WWP2: variants seen among roughly 807,000 people sequenced by gnomAD.
The protein encoded by WWP2 is NEDD4-like E3 ubiquitin-protein ligase WWP2.
WWP2 carries 57 observed loss-of-function variants against 121.0 expected under a neutral mutation model. That is an observed-to-expected ratio of 0.47 (90% CI 0.38 to 0.59). The LOEUF is 0.59. Among genes scored for constraint, WWP2 ranks in the 20% least tolerant of loss-of-function variants. The pLI is 0.00. For missense variants in WWP2, 962 were observed against 1,158.9 expected, an observed-to-expected ratio of 0.83 and a Z score of 2.47; for synonymous variants, 449 against 441.3, an observed-to-expected ratio of 1.02 and a Z score of -0.22.
chr16:69,833,880 GC>G (rs1254444881), intron 4 of WWP2, among the ~76,000 whole-genome samples: 1 of 152,198 alleles, frequency 6.6e-6, no homozygotes, highest in Non-Finnish European at 1.5e-5. Flanking sequence ...GCGGGGCCTG[GC>G]TGATGTGCTC....
Position 69,879,766 on chromosome 16 carries a change from A to T in WWP2, c.703+7835A>T, listed in dbSNP as rs557155508. Among the ~76,000 whole-genome samples the T allele has an allele frequency of 1.1e-3, 171 of 152,244 alleles. 1 individual carries two copies. Among genetic ancestry groups the T allele is most frequent in the African/African-American group, 3.7e-3 (152 of 41,554 alleles). Reference sequence around the variant, plus strand: ...AATTACTATGGTGATTTTGTATTTAACATGTCATGCCCATGCTAATGGGCA... The same window carrying T: ...AATTACTATGGTGATTTTGTATTTATCATGTCATGCCCATGCTAATGGGCA... On this transcript the variant is annotated intron_variant, in intron 7 of 23. Coordinates refer to ENST00000359154, the MANE Select transcript of WWP2 (RefSeq NM_001270454.2).
chr16:69,847,885 G>C (rs1213067804), intron 6 of WWP2, among the ~76,000 whole-genome samples: 1 of 151,988 alleles, frequency 6.6e-6, no homozygotes, highest in African/African-American at 2.4e-5. Flanking sequence ...AATTTTGGTG[G>C]GGACAAACTG....
intron 2 of WWP2, among the ~76,000 whole-genome samples, chr16:69,798,005 G>A (rs1459769822): frequency 2.6e-5 from 4 of 152,120 alleles, no homozygotes; most frequent in African/African-American, 7.2e-5. Context: ...GGCATGAGCC[G>A]CCACGCCCGG....
chr16:69,924,593 G>C (rs1028309113), intron 10 of WWP2, among the ~76,000 whole-genome samples: 5 of 151,840 alleles, frequency 3.3e-5, no homozygotes, highest in Admixed American at 2.6e-4. Flanking sequence ...GAGGGGGTGT[G>C]GGGGGGATTC....
At chr16:69,908,893 C>A (rs201784061) in intron 9 of WWP2, 43 bp downstream of exon 9, 33 of 1,613,514 alleles carry the variant, frequency 2.0e-5, no homozygotes, top group Non-Finnish European at 2.6e-5. Flanking sequence ...GGAACTGACA[C>A]CATGAGTCAC....
chr16:69,891,087 C>T (rs939412134), intron 8 of WWP2, among the ~76,000 whole-genome samples: 3 of 152,078 alleles, frequency 2.0e-5, no homozygotes, highest in Admixed American at 6.6e-5. Flanking sequence ...GCCTGGAGAT[C>T]GTCAGCCACC....
intron 4 of WWP2, among the ~76,000 whole-genome samples, chr16:69,828,809 T>C (rs1006406194): frequency 6.6e-6 from 1 of 152,226 alleles, no homozygotes; most frequent in Admixed American, 6.5e-5. Flanking sequence ...TATTCCATCC[T>C]CTTCTTCCAT....
chr16:69,937,619 C>G lies in WWP2; in HGVS notation c.2310C>G (p.Thr770=), dbSNP rs755307899. 6.2e-7 allele frequency: 1 copy of G among 1,614,026 alleles called. No individual in the cohort carries two copies. Among genetic ancestry groups the G allele is most frequent in the Non-Finnish European group, 8.5e-7 (1 of 1,179,996 alleles). The change falls in exon 21 of 24, where the codon ACC becomes ACG. Residue 770 remains threonine, a synonymous_variant. Coordinates refer to ENST00000359154, the MANE Select transcript of WWP2 (RefSeq NM_001270454.2). This position sits in a 1 kb window ranked among gnomAD's most constrained non-coding sequence, Gnocchi z 6.6. Reference sequence around the variant, plus strand: ...AGAGCACCATCTACCGGCACTACACCAAGAACAGCAAGCAGATCCAGTGGT... The same window carrying G: ...AGAGCACCATCTACCGGCACTACACGAAGAACAGCAAGCAGATCCAGTGGT... ...WQKSTIYRHY[T]KNSKQIQWFW...
chr16:69,803,776 C>T (rs998294859), intron 4 of WWP2, among the ~76,000 whole-genome samples: 5 of 152,064 alleles, frequency 3.3e-5, no homozygotes, highest in African/African-American at 9.7e-5. Context: ...GGCACAGTGG[C>T]GCACGCCTGT....
At chr16:69,898,900 C>T (rs2058152489) in intron 8 of WWP2, among the ~76,000 whole-genome samples, 1 of 152,084 alleles carries the variant, frequency 6.6e-6, no homozygotes, top group African/African-American at 2.4e-5. Flanking sequence ...GACGGGAATT[C>T]ACCATGTTGG....
At chr16:69,936,588 G>T (rs757632888) in intron 19 of WWP2, 136 bp downstream of exon 19, 3 of 1,309,720 alleles carry the variant, frequency 2.3e-6, no homozygotes, top group Non-Finnish European at 3.1e-6. Context: ...GGTGGCTGCT[G>T]GTGGGCGGTC....
At chr16:69,829,957 A>AT (rs11462005) in intron 4 of WWP2, among the ~76,000 whole-genome samples, 121,170 of 144,964 alleles carry the variant, frequency 0.84, 50,720 homozygotes, top group Admixed American at 0.89. Flanking sequence ...CGCCCAGCTA[A>AT]TTTTTTTTTT....
chr16:69,936,936 C>G lies in WWP2; in HGVS notation c.2118-182C>G, dbSNP rs149346273. The G allele has an allele frequency of 4.4e-4, 326 of 733,246 alleles. 3 individuals carry two copies. The highest frequency in any genetic ancestry group is 3.6e-3 in the East Asian group (128 of 35,074). 45.4% of individuals were successfully genotyped at this position (733,246 alleles called of 1,614,324 possible). ...AGGATGATTTCAAAGACTCCGGTGT[C>G]TGCAGGTCACTGTGAGGTTTTCAGG... is the stretch of plus-strand genomic sequence containing the variant. On this transcript the variant is annotated intron_variant, in intron 19 of 23. Coordinates refer to ENST00000359154, the MANE Select transcript of WWP2 (RefSeq NM_001270454.2).
In WWP2 at chr16:69,932,912, C is replaced by T. The variant is rs544050755; in HGVS notation, c.1682+1022C>T. Among the ~76,000 whole-genome samples the T allele has an allele frequency of 1.1e-3, 172 of 152,342 alleles. 2 individuals carry two copies. In the Middle Eastern group the frequency reaches 0.031, roughly 27 times the overall value. On this transcript the variant is annotated intron_variant, in intron 16 of 23. Transcript: ENST00000359154. ...CGACCTCTCCGCTCGAGACCTCTCC[C>T]GGTGTGGGCATGTCTTCCCGCTTGG...
chr16:69,847,758 C>T (rs1439341732), intron 6 of WWP2, among the ~76,000 whole-genome samples: 1 of 152,100 alleles, frequency 6.6e-6, no homozygotes, highest in African/African-American at 2.4e-5. Flanking sequence ...AGAGAACTCA[C>T]TCACCCCCAT....
intron 4 of WWP2, among the ~76,000 whole-genome samples, chr16:69,805,592 T>TA (rs979622391): frequency 1.0e-4 from 15 of 149,858 alleles, no homozygotes; most frequent in East Asian, 7.8e-4. Flanking sequence ...CATTGCAGGT[T>TA]AAAAAAAAAG....
intron 11 of WWP2, among the ~76,000 whole-genome samples, chr16:69,927,937 C>G (rs1261354282): frequency 6.6e-6 from 1 of 152,250 alleles, no homozygotes; most frequent in East Asian, 1.9e-4. Flanking sequence ...GCTGGGATTA[C>G]AGGCGTGATC....
At chr16:69,867,242 AG>A (rs1258049217) in intron 6 of WWP2, among the ~76,000 whole-genome samples, 4 of 151,678 alleles carry the variant, frequency 2.6e-5, no homozygotes, top group Non-Finnish European at 5.9e-5. Context: ...GGCTGCACTG[AG>A]GTAACACTGT....
chr16:69,775,406 G>T (rs1422186150), intron 1 of WWP2, among the ~76,000 whole-genome samples: 1 of 152,104 alleles, frequency 6.6e-6, no homozygotes, highest in Admixed American at 6.6e-5. Context: ...TTTGGGGTAA[G>T]GTATCTTAAA....
Sources: gnomAD v4.1 joint callset for allele counts (sites outside exome capture counted in the v4.1 genomes callset) on GRCh38, gnomAD v4.1.1 for gene constraint, Gnocchi (gnomAD v3.1) non-coding constraint, MANE v1.5 for transcripts, NCBI Gene and HGNC (gene_info 2026-07-23, HGNC 2026-07-21) for gene names.